Variants in PDE11A observed in about 807,000 individuals in gnomAD.
The protein encoded by PDE11A is phosphodiesterase 11A.
PDE11A carries 100 observed loss-of-function variants against 100.5 expected under a neutral mutation model. The ratio of observed to expected loss-of-function variants is 1.00; its 90% CI spans 0.85 to 1.18. The LOEUF (loss-of-function observed/expected upper bound fraction) is 1.18. Ranked by LOEUF, PDE11A falls within the 50% of genes most tolerant of loss-of-function variation. The probability of loss-of-function intolerance (pLI) is 0.00; values close to 1 mark genes in which losing one functional copy is unlikely to be tolerated. For synonymous variants in PDE11A, 381 were observed against 420.8 expected (o/e 0.91, Z 1.16); for missense variants, 1,141 against 1,152.6 (o/e 0.99, Z 0.15).
At chr2:177,877,439 A>T (rs763642825) in intron 4 of PDE11A, among the ~76,000 whole-genome samples, 6 of 152,164 alleles carry the variant, frequency 3.9e-5, no homozygotes, top group Non-Finnish European at 8.8e-5. Context: ...TGCTGAGATT[A>T]CAGGCACGAG....
intron 1 of PDE11A, among the ~76,000 whole-genome samples, chr2:178,037,567 C>A (rs139667586): frequency 6.6e-6 from 1 of 152,110 alleles, no homozygotes; most frequent in Non-Finnish European, 1.5e-5. Flanking sequence ...AAGACCCATG[C>A]GTACATGTGT....
chr2:178,086,418 A>G lies in PDE11A; in HGVS notation c.162+17884T>C, dbSNP rs147400146. On this transcript the variant is annotated intron_variant, in intron 2 of 20. Coordinates refer to the PDE11A transcript ENST00000358450. ...GTGCCATCATTAGAGACCAGATACC[A>G]TAATGCACAATAAATAAATATTTAT... Among the ~76,000 whole-genome samples the G allele has an allele frequency of 6.2e-3, 937 of 152,340 alleles. 9 individuals are homozygous for G. Among genetic ancestry groups the G allele is most frequent in the Middle Eastern group, 0.014 (4 of 294 alleles).
intron 2 of PDE11A, among the ~76,000 whole-genome samples, chr2:177,944,987 C>T (rs1051508488): frequency 3.3e-5 from 5 of 149,992 alleles, no homozygotes; most frequent in South Asian, 4.3e-4. Context: ...CGCGCCGCCA[C>T]GCCTGACTGG....
chr2:177,629,882 C>T (rs1353207722), intron 19 of PDE11A, among the ~76,000 whole-genome samples: 5 of 152,192 alleles, frequency 3.3e-5, no homozygotes, highest in Non-Finnish European at 7.3e-5. Context: ...AAATATCCAG[C>T]TCACATATGC....
chr2:177,797,900 A>G (rs969673763), intron 9 of PDE11A, among the ~76,000 whole-genome samples: 1 of 152,232 alleles, frequency 6.6e-6, no homozygotes, highest in African/African-American at 2.4e-5. Context: ...TAAAATGTCA[A>G]ACTAATCATG....
At chr2:177,881,438 C>G (rs1489615195) in intron 4 of PDE11A, among the ~76,000 whole-genome samples, 1 of 151,930 alleles carries the variant, frequency 6.6e-6, no homozygotes, top group African/African-American at 2.4e-5. Context: ...AGAACCACAA[C>G]TACTGCAACA....
chr2:177,842,686 G>A (rs2083510733), intron 5 of PDE11A, among the ~76,000 whole-genome samples: 1 of 152,226 alleles, frequency 6.6e-6, no homozygotes, highest in South Asian at 2.1e-4. Flanking sequence ...AGTCATGCAG[G>A]TGGGAGGTGA....
intron 1 of PDE11A, among the ~76,000 whole-genome samples, chr2:178,020,927 GTGTGTGTGTGT>G (rs1559044534): frequency 1.2e-3 from 23 of 19,292 alleles, no homozygotes; most frequent in African/African-American, 4.2e-3. Context: ...TTGTCTTGGT[GTGTGTGTGTGT>G]GTGTGTGTGT....
At chr2:177,910,388 T>G (rs1026528575) in intron 2 of PDE11A, among the ~76,000 whole-genome samples, 2 of 149,894 alleles carry the variant, frequency 1.3e-5, no homozygotes, top group African/African-American at 2.5e-5. Flanking sequence ...TCAGTCCCAG[T>G]GTTACAGATG....
chr2:177,729,260 C>G (rs928302324), intron 10 of PDE11A, among the ~76,000 whole-genome samples: 6 of 152,170 alleles, frequency 3.9e-5, no homozygotes, highest in Non-Finnish European at 8.8e-5. Context: ...TATCAGTTGT[C>G]TAAGTCTCTT....
chr2:177,711,124 G>GC (rs1245305389), intron 13 of PDE11A, among the ~76,000 whole-genome samples: 1 of 152,210 alleles, frequency 6.6e-6, no homozygotes, highest in African/African-American at 2.4e-5. Context: ...GAGCCACAAA[G>GC]CAACAGCTAT....
intron 12 of PDE11A, among the ~76,000 whole-genome samples, chr2:177,718,993 C>T (rs1330588642): frequency 6.6e-6 from 1 of 152,170 alleles, no homozygotes; most frequent in African/African-American, 2.4e-5. Context: ...TCTGGTTACC[C>T]TTCGAGCCAG....
At position 178,071,526 on chromosome 2, in the gene PDE11A, C is replaced by G; in HGVS notation, c.912G>C (p.Gln304His). ...GETVNIPDAY[Q>H]DRRFNDEIDK... The stretch of plus-strand genomic sequence containing the variant: ...AGAAGGGGACAATGCAAAGTCCTAC[C>G]TGGTAGGCATCAGGAATGTTGACCG... Residue 304 changes from glutamine to histidine, a missense_variant and splice_region_variant, in exon 1 of 20, where the codon CAG (glutamine) becomes CAC (histidine). Physicochemically the swap from Gln to His is conservative, Grantham distance 24. Transcript: ENST00000286063. 6.2e-7 allele frequency: 1 copy of G among 1,613,184 alleles called. No individual in the cohort carries two copies. The highest frequency in any genetic ancestry group is 1.1e-5 in the South Asian group (1 of 91,036).
chr2:177,886,936 G>T (rs1574252561), intron 4 of PDE11A, among the ~76,000 whole-genome samples: 1 of 152,140 alleles, frequency 6.6e-6, no homozygotes, highest in Non-Finnish European at 1.5e-5. Flanking sequence ...ATGTAGGCCT[G>T]CTGAACTCCA....
intron 2 of PDE11A, among the ~76,000 whole-genome samples, chr2:178,096,934 T>C (rs1470624973): frequency 2.0e-5 from 3 of 152,178 alleles, no homozygotes; most frequent in African/African-American, 7.2e-5. Flanking sequence ...TCACCTAGGC[T>C]GTAGTGCAGT....
intron 19 of PDE11A, among the ~76,000 whole-genome samples, chr2:177,633,385 A>C (rs1574081596): frequency 6.6e-6 from 1 of 152,316 alleles, no homozygotes; most frequent in Non-Finnish European, 1.5e-5. Flanking sequence ...AGTAAACCTA[A>C]TTTATCTGCT....
chr2:178,038,497 T>A (rs951890391), intron 1 of PDE11A, among the ~76,000 whole-genome samples: 1 of 151,174 alleles, frequency 6.6e-6, no homozygotes, highest in African/African-American at 2.4e-5. Context: ...AGGAAGGTGG[T>A]GTTCAGAATA....
chr2:177,642,438 G>T (rs998410313), intron 19 of PDE11A, among the ~76,000 whole-genome samples: 1 of 152,196 alleles, frequency 6.6e-6, no homozygotes, highest in Non-Finnish European at 1.5e-5. Flanking sequence ...TAACAGCTGA[G>T]TTCTTCTCAG....
At chr2:177,956,438 A>G (rs2105786202) in intron 2 of PDE11A, among the ~76,000 whole-genome samples, 1 of 152,364 alleles carries the variant, frequency 6.6e-6, no homozygotes, top group East Asian at 1.9e-4. Flanking sequence ...GTGGAGAAAT[A>G]GGAACATTTT....
Sources: gnomAD v4.1 joint callset for allele counts (sites outside exome capture counted in the v4.1 genomes callset) on GRCh38, gnomAD v4.1.1 for gene constraint, MANE v1.5 for transcripts, NCBI Gene and HGNC (gene_info 2026-07-23, HGNC 2026-07-21) for gene names.